UBXN4: variants seen among roughly 807,000 people sequenced by gnomAD.
UBXN4 encodes UBX domain-containing protein 4.
Under a neutral mutation model 66.2 loss-of-function variants are expected in UBXN4, and 35 were observed. The observed-to-expected ratio is 0.53, with a 90% CI of 0.40 to 0.70. UBXN4 has a LOEUF of 0.70. UBXN4 is among the 30% of genes least tolerant of loss of function. UBXN4 has a pLI of 0.00. For missense variants in UBXN4, 533 were observed against 599.8 expected (o/e 0.89, Z 1.16); for synonymous variants, 203 against 204.5 (o/e 0.99, Z 0.06).
chr2:135,772,505 C>G lies in UBXN4; in HGVS notation c.908C>G (p.Ala303Gly), dbSNP rs377345607. The change falls in exon 9 of 13, where the codon GCA (alanine) becomes GGA (glycine). Residue 303 changes from alanine (A) to glycine (G), a missense_variant. Around this residue, in one of 2 missense-constraint regions of UBXN4, gnomAD observed 529 missense variants for 580.1 expected, o/e 0.91. Coordinates refer to ENST00000272638, the MANE Select transcript of UBXN4 (RefSeq NM_014607.4). Reference sequence around the variant, plus strand: ...GCTGCTGCCTTGCTAGCAAAACAGGCAGAAATGGAAGTCAAGAGGGAATCT... The same window carrying G: ...GCTGCTGCCTTGCTAGCAAAACAGGGAGAAATGGAAGTCAAGAGGGAATCT... ...AKAAALLAKQAEMEVKRESYA... is the reference protein window; with the variant it reads ...AKAAALLAKQGEMEVKRESYA... 1.1e-5 allele frequency: 18 copies of G among 1,613,646 alleles called. No individual in the cohort carries two copies. Among genetic ancestry groups the G allele is most frequent in the Non-Finnish European group, 1.5e-5 (18 of 1,179,866 alleles).
At chr2:135,752,571 G>A (rs2077250021) in intron 2 of UBXN4, among the ~76,000 whole-genome samples, 1 of 152,184 alleles carries the variant, frequency 6.6e-6, no homozygotes, top group Non-Finnish European at 1.5e-5. Context: ...ATTATCACAT[G>A]CCTAAGTAAG....
At chr2:135,782,420 C>T (rs536339421) in intron 12 of UBXN4, among the ~76,000 whole-genome samples, 4 of 152,160 alleles carry the variant, frequency 2.6e-5, no homozygotes, top group East Asian at 1.9e-4. Context: ...TAGATAATGT[C>T]GGCTTGCATA....
intron 3 of UBXN4, 154 bp from the exon 4 acceptor site, chr2:135,754,005 A>G (rs3213889): frequency 0.61 from 362,871 of 594,288 alleles, 123,210 homozygotes; most frequent in Non-Finnish European, 0.73. Flanking sequence ...TTAATACTAC[A>G]GGTATAATGA....
chr2:135,770,842 C>G (rs912699393), intron 8 of UBXN4, 107 bp downstream of exon 8: 2 of 1,076,922 alleles, frequency 1.9e-6, no homozygotes, highest in African/African-American at 3.3e-5. Flanking sequence ...GACTCATAGA[C>G]TACCAATCCT....
intron 6 of UBXN4, among the ~76,000 whole-genome samples, chr2:135,762,993 T>C (rs1326255083): frequency 6.6e-6 from 1 of 152,206 alleles, no homozygotes; most frequent in Non-Finnish European, 1.5e-5. Context: ...TTAGTTATAC[T>C]GGAAAAAGTT....
chr2:135,761,354 C>A (rs1401495136), intron 5 of UBXN4, among the ~76,000 whole-genome samples: 3 of 152,182 alleles, frequency 2.0e-5, no homozygotes, highest in Non-Finnish European at 4.4e-5. Context: ...TCAAACCTGG[C>A]CTGTATTGCT....
At chr2:135,754,975 A>G (rs4954409) in intron 4 of UBXN4, among the ~76,000 whole-genome samples, 147,904 of 152,194 alleles carry the variant, frequency 0.97, 71,985 homozygotes, top group Non-Finnish European at 1. Context: ...GTAGAGACGG[A>G]ATTTTGCCAT....
chr2:135,780,896 C>G (rs1020714156), intron 12 of UBXN4, among the ~76,000 whole-genome samples: 4 of 152,240 alleles, frequency 2.6e-5, no homozygotes, highest in Non-Finnish European at 5.9e-5. Context: ...TTTGAAAATT[C>G]TCTCTCAGAG....
chr2:135,749,622 T>C (rs2077229734), intron 2 of UBXN4, among the ~76,000 whole-genome samples: 1 of 152,196 alleles, frequency 6.6e-6, no homozygotes, highest in African/African-American at 2.4e-5. Context: ...TTAGTATGTC[T>C]CTGAAGTATA....
chr2:135,752,158 C>T (rs189584437), intron 2 of UBXN4, among the ~76,000 whole-genome samples: 1 of 152,118 alleles, frequency 6.6e-6, no homozygotes, highest in South Asian at 2.1e-4. Flanking sequence ...TGCAGTTCTC[C>T]TGTGTCAGCC....
chr2:135,747,687 T>C (rs772130442), intron 1 of UBXN4: 1 of 456,312 alleles, frequency 2.2e-6, no homozygotes, highest in South Asian at 1.5e-5. Flanking sequence ...CAGGCTGGAG[T>C]GCAGTGGTGC....
At chr2:135,778,911 A>G in intron 10 of UBXN4, 37 bp from the exon 11 acceptor site, 1 of 1,565,724 alleles carries the variant, frequency 6.4e-7, no homozygotes, top group Non-Finnish European at 8.6e-7. Flanking sequence ...TCTTACTTTT[A>G]AAGGCACTCT....
chr2:135,757,553 G>C (rs928158735), intron 5 of UBXN4, among the ~76,000 whole-genome samples: 2 of 152,094 alleles, frequency 1.3e-5, no homozygotes, highest in African/African-American at 4.8e-5. Context: ...GGCTTGTGTT[G>C]ATCACCTTTA....
rs1168198409 is a variant in UBXN4, at chr2:135,772,469, A to G, written c.872A>G (p.Glu291Gly). The change falls in exon 9 of 13, where the codon GAG becomes GGG. Residue 291 changes from glutamate (E) to glycine (G), a missense_variant. By Grantham distance (98) the Glu-to-Gly change is moderately conservative. Transcript: ENST00000272638. The part of the protein sequence containing the change: ...ARFAKTKEEV[E>G]AAKAAALLAK... ...TTTGCAAAGACAAAGGAAGAAGTAG[A>G]GGCTGCCAAAGCTGCTGCCTTGCTA... is the stretch of plus-strand genomic sequence containing the variant. 1 of 1,614,182 alleles carries G rather than the reference A, an allele frequency of 6.2e-7. No individual in the cohort carries two copies. The highest frequency in any genetic ancestry group is 8.5e-7 in the Non-Finnish European group (1 of 1,179,992).
At chr2:135,759,574 C>G (rs865991117) in intron 5 of UBXN4, among the ~76,000 whole-genome samples, 11 of 152,084 alleles carry the variant, frequency 7.2e-5, no homozygotes, top group Non-Finnish European at 1.2e-4. Flanking sequence ...CAGACTTGAT[C>G]AAGTCAGCTT....
intron 7 of UBXN4, 58 bp downstream of exon 7, chr2:135,769,881 TTATTC>T: frequency 6.6e-7 from 1 of 1,505,816 alleles, no homozygotes; most frequent in Non-Finnish European, 9.0e-7. Flanking sequence ...TTGTGATTGA[TTATTC>T]TATTCAGTGT....
At chr2:135,750,941 C>T (rs1442966404) in intron 2 of UBXN4, among the ~76,000 whole-genome samples, 17 of 140,728 alleles carry the variant, frequency 1.2e-4, no homozygotes, top group African/African-American at 4.4e-4. Context: ...CTGCAAGCTC[C>T]GCCTCCCGGG....
intron 8 of UBXN4, among the ~76,000 whole-genome samples, chr2:135,771,290 G>A (rs1411388773): frequency 1.3e-5 from 2 of 151,990 alleles, no homozygotes; most frequent in African/African-American, 2.4e-5. Context: ...TTGCCTGGCC[G>A]ACATGGTGAA....
chr2:135,776,129 T>A, intron 9 of UBXN4, 120 bp from the exon 10 acceptor site: 3 of 744,104 alleles, frequency 4.0e-6, no homozygotes, highest in Non-Finnish European at 6.4e-6. Flanking sequence ...CAAAAAGATC[T>A]GATATGGTAG....
Sources: allele counts gnomAD v4.1 joint callset (sites outside exome capture counted in the v4.1 genomes callset), GRCh38; gene constraint gnomAD v4.1.1; regional missense constraint gnomAD v4.1.1; transcripts MANE v1.5; gene names NCBI Gene and HGNC (gene_info 2026-07-23, HGNC 2026-07-21).